ELF2: variants seen among roughly 807,000 people sequenced by gnomAD.
ELF2 encodes E74 like ETS transcription factor 2, also known as ETS-related transcription factor Elf-2.
Under a neutral mutation model 54.8 loss-of-function variants are expected in ELF2, and 11 were observed. The ratio of observed to expected loss-of-function variants is 0.20; its 90% CI spans 0.13 to 0.33. The LOEUF (loss-of-function observed/expected upper bound fraction) is 0.33, where lower values mean the gene tolerates loss of function less well. Among genes scored for constraint, ELF2 ranks in the 10% least tolerant of loss-of-function variants. The probability of loss-of-function intolerance (pLI) is 1.00; values close to 1 mark genes in which losing one functional copy is unlikely to be tolerated. For synonymous variants in ELF2, 203 were observed against 245.1 expected, an observed-to-expected ratio of 0.83 and a Z score of 1.61; for missense variants, 513 against 703.0, an observed-to-expected ratio of 0.73 and a Z score of 3.06.
intron 2 of ELF2, among the ~76,000 whole-genome samples, chr4:139,138,388 G>C (rs1738390497): frequency 6.6e-6 from 1 of 151,408 alleles, no homozygotes; most frequent in African/African-American, 2.4e-5. Context: ...CTGCACTCCA[G>C]CCTGGCGACA....
At chr4:139,065,261 T>G (rs1728520693) in intron 7 of ELF2, among the ~76,000 whole-genome samples, 1 of 152,162 alleles carries the variant, frequency 6.6e-6, no homozygotes, top group Admixed American at 6.6e-5. Flanking sequence ...AAGGATCACT[T>G]GAGCCTAGGA....
At chr4:139,134,425 T>C (rs1385048966) in intron 3 of ELF2, among the ~76,000 whole-genome samples, 1 of 151,592 alleles carries the variant, frequency 6.6e-6, no homozygotes, top group Non-Finnish European at 1.5e-5. Flanking sequence ...GGCACCATTA[T>C]GGCTCACTGC....
At chr4:139,116,416 T>G (rs902103330) in intron 4 of ELF2, among the ~76,000 whole-genome samples, 2 of 149,812 alleles carry the variant, frequency 1.3e-5, no homozygotes, top group Admixed American at 6.6e-5. Context: ...TCCAAGGAAG[T>G]AGAGGCATGA....
At chr4:139,072,085 G>A in intron 5 of ELF2, 46 bp from the exon 6 acceptor site, 1 of 1,575,512 alleles carries the variant, frequency 6.3e-7, no homozygotes, top group Non-Finnish European at 8.7e-7. Flanking sequence ...CCCCATCAAT[G>A]TTTCTTATGT....
chr4:139,137,362 T>G (rs1738291209), intron 3 of ELF2: 3 of 485,672 alleles, frequency 6.2e-6, no homozygotes, highest in Non-Finnish European at 1.1e-5. Context: ...TAAATTTAAC[T>G]CTCAACTAAT....
At position 139,156,009 on chromosome 4, in the gene ELF2, A is replaced by G. The variant is rs568877551; in HGVS notation, c.-251-16512T>C. ...CTCATTTTACAAGAAAAAATTGAAG[A>G]GGCTAATTGGAAAGTGATATAACTT... On this transcript the variant is annotated intron_variant, in intron 1 of 9. Transcript: ENST00000686138. 1.0e-4 allele frequency among the ~76,000 whole-genome samples: 15 copies of G among 143,996 alleles called. 1 individual carries two copies. The East Asian group carries it at 3.0e-3, about 29-fold the overall frequency. 94.5% of individuals were successfully genotyped at this position (143,996 alleles called of 152,430 possible).
chr4:139,161,640 C>T (rs1182844342), intron 1 of ELF2, among the ~76,000 whole-genome samples: 4 of 114,994 alleles, frequency 3.5e-5, no homozygotes, highest in Non-Finnish European at 6.7e-5. Context: ...AAATAGTCTA[C>T]GTAAAACTGT....
At chr4:139,079,085 C>T (rs960409724) in intron 4 of ELF2, among the ~76,000 whole-genome samples, 1 of 151,776 alleles carries the variant, frequency 6.6e-6, no homozygotes, top group African/African-American at 2.4e-5. Flanking sequence ...ATCAGCACAC[C>T]CAGCTAATTT....
chr4:139,084,280 C>G, intron 4 of ELF2: 6 of 1,602,634 alleles, frequency 3.7e-6, no homozygotes, highest in Non-Finnish European at 5.1e-6. Context: ...CGGCCGGAGA[C>G]ACACGCCGTG....
intron 7 of ELF2, among the ~76,000 whole-genome samples, chr4:139,062,939 T>C (rs1728099615): frequency 6.6e-6 from 1 of 152,188 alleles, no homozygotes; most frequent in Non-Finnish European, 1.5e-5. Flanking sequence ...GTACTACCAG[T>C]CAATTAAGAC....
intron 4 of ELF2, chr4:139,084,383 C>A (rs1731678586): frequency 6.9e-7 from 1 of 1,452,254 alleles, no homozygotes; most frequent in Non-Finnish European, 9.1e-7. Flanking sequence ...CGCCTCCCGC[C>A]GCCGGGCTGA....
rs188238908 is a variant in ELF2 at position 139,088,244 on chromosome 4, G to A, written c.239-14677C>T. ...GAAGGTTGCAGTGAGCTGAGATCAC[G>A]CCACTGCACTCCAGCCTGGGAGCAG... On this transcript the variant is annotated intron_variant, in intron 4 of 9. Coordinates refer to ENST00000686138, the MANE Select transcript of ELF2 (RefSeq NM_001331036.3). Among the ~76,000 whole-genome samples the A allele has an allele frequency of 9.9e-5, 14 of 141,352 alleles. No individual in the cohort carries two copies. The East Asian group carries it at 1.7e-3, about 17-fold the overall frequency. 92.7% of individuals were successfully genotyped at this position (141,352 alleles called of 152,430 possible).
intron 1 of ELF2, among the ~76,000 whole-genome samples, chr4:139,166,151 A>G (rs1395841220): frequency 6.6e-6 from 1 of 152,148 alleles, no homozygotes; most frequent in Admixed American, 6.5e-5. Flanking sequence ...CAGCCTGGCC[A>G]ATATGGCTAC....
chr4:139,147,603 C>G (rs1176867355), intron 1 of ELF2, among the ~76,000 whole-genome samples: 2 of 151,994 alleles, frequency 1.3e-5, no homozygotes, highest in Non-Finnish European at 2.9e-5. Context: ...TCCCAAGTAG[C>G]TGGGATTACA....
intron 4 of ELF2, among the ~76,000 whole-genome samples, chr4:139,089,049 G>A (rs1178608755): frequency 1.3e-5 from 2 of 152,228 alleles, no homozygotes; most frequent in Non-Finnish European, 2.9e-5. Context: ...GAGCCGCCGT[G>A]CCTGGCCAAG....
chr4:139,113,982 A>T (rs1242543628), intron 4 of ELF2, among the ~76,000 whole-genome samples: 1 of 152,220 alleles, frequency 6.6e-6, no homozygotes, highest in Non-Finnish European at 1.5e-5. Flanking sequence ...TGTAAAACAT[A>T]TATTCAAGTG....
chr4:139,140,966 T>C (rs1738642176), intron 1 of ELF2, among the ~76,000 whole-genome samples: 1 of 152,146 alleles, frequency 6.6e-6, no homozygotes. Context: ...AAATTCTGCT[T>C]GTAGAATCCA....
chr4:139,139,741 A>G (rs1738521076), intron 1 of ELF2, among the ~76,000 whole-genome samples: 1 of 152,156 alleles, frequency 6.6e-6, no homozygotes, highest in Admixed American at 6.5e-5. Context: ...GACAGAATCA[A>G]CGTATGAAGC....
chr4:139,084,352 G>A lies in ELF2; in HGVS notation c.239-10785C>T, dbSNP rs1356764133. 19 of 1,507,404 alleles carry A rather than the reference G, an allele frequency of 1.3e-5. No homozygotes were observed. In the Admixed American group the frequency reaches 2.2e-4, roughly 17 times the overall value. The allele number at this position is 1,507,404 out of a possible 1,614,324, so 93.4% of individuals were successfully genotyped here. On this transcript the variant is annotated intron_variant, in intron 4 of 9. Coordinates refer to ENST00000686138, the MANE Select transcript of ELF2 (RefSeq NM_001331036.3). ...ACGCCCGGATCCTTGCGCGTCCTCCGACAGGAAGCCGAGGCCGGCCCGCCT... is the reference window on the plus strand; with the variant it reads ...ACGCCCGGATCCTTGCGCGTCCTCCAACAGGAAGCCGAGGCCGGCCCGCCT...
Sources: gnomAD v4.1 joint callset for allele counts (sites outside exome capture counted in the v4.1 genomes callset) on GRCh38, gnomAD v4.1.1 for gene constraint, MANE v1.5 for transcripts, NCBI Gene and HGNC (gene_info 2026-07-23, HGNC 2026-07-21) for gene names.